CUX2: variants seen among roughly 807,000 people sequenced by gnomAD.
CUX2 encodes the protein cut like homeobox 2, also known as homeobox protein cut-like 2.
Under a neutral mutation model 144.8 loss-of-function variants are expected in CUX2, and 40 were observed. The observed-to-expected ratio is 0.28, with a 90% CI of 0.21 to 0.36. The LOEUF (loss-of-function observed/expected upper bound fraction) is 0.36. Among genes scored for constraint, CUX2 ranks in the 10% least tolerant of loss-of-function variants. The pLI, the probability that CUX2 is intolerant of heterozygous loss-of-function variation, is 1.00. For synonymous variants in CUX2, 827 were observed against 875.6 expected (o/e 0.94, Z 0.98); for missense variants, 1,615 against 1,994.0 (o/e 0.81, Z 3.62).
At chr12:111,046,633 A>G (rs1299827308) in intron 1 of CUX2, among the ~76,000 whole-genome samples, 1 of 152,062 alleles carries the variant, frequency 6.6e-6, no homozygotes, top group Non-Finnish European at 1.5e-5. Flanking sequence ...TCACTATGTC[A>G]GTATTTTTCT....
intron 3 of CUX2, among the ~76,000 whole-genome samples, chr12:111,237,080 C>T (rs898749959): frequency 2.0e-5 from 3 of 152,124 alleles, no homozygotes; most frequent in Non-Finnish European, 4.4e-5. Flanking sequence ...GCCTGGGAGG[C>T]CAAGTTTGCG....
At chr12:111,101,065 A>G (rs2136068449) in intron 1 of CUX2, among the ~76,000 whole-genome samples, 2 of 152,298 alleles carry the variant, frequency 1.3e-5, no homozygotes, top group African/African-American at 4.8e-5. Context: ...AGCTTGGGCG[A>G]TAAAAACAAT....
At chr12:111,267,532 T>C (rs1303908548) in intron 4 of CUX2, among the ~76,000 whole-genome samples, 1 of 152,146 alleles carries the variant, frequency 6.6e-6, no homozygotes, top group Non-Finnish European at 1.5e-5. Context: ...CTCTGCTCCG[T>C]GTGACAAGCT....
At chr12:111,191,306 A>ATTAT (rs200077725) in intron 1 of CUX2, among the ~76,000 whole-genome samples, 2,871 of 146,826 alleles carry the variant, frequency 0.02, 40 homozygotes, top group Non-Finnish European at 0.025. Flanking sequence ...TTATTCTTTT[A>ATTAT]TTATTTATTT....
chr12:111,299,885 T>TG (rs1886201158), intron 9 of CUX2, among the ~76,000 whole-genome samples: 2 of 151,970 alleles, frequency 1.3e-5, no homozygotes, highest in South Asian at 2.1e-4. Flanking sequence ...TATCTTTTTG[T>TG]GGGGGGCAAG....
intron 2 of CUX2, among the ~76,000 whole-genome samples, chr12:111,215,135 C>T (rs76438668): frequency 0.025 from 3,757 of 152,210 alleles, 135 homozygotes; most frequent in African/African-American, 0.083. Flanking sequence ...TCATTCTGGT[C>T]GGCAGAAGGT....
At chr12:111,341,279 G>C (rs759835558) in intron 20 of CUX2, among the ~76,000 whole-genome samples, 1 of 152,218 alleles carries the variant, frequency 6.6e-6, no homozygotes, top group South Asian at 2.1e-4. Context: ...GGGTGACAGA[G>C]AGAGACCCCA....
intron 4 of CUX2, among the ~76,000 whole-genome samples, chr12:111,280,169 A>G (rs752579000): frequency 2.0e-5 from 3 of 149,374 alleles, no homozygotes; most frequent in Non-Finnish European, 4.5e-5. Flanking sequence ...TACGCCTGTA[A>G]TCTCAGCTAC....
At position 111,072,723 on chromosome 12, in the gene CUX2, C is replaced by A. The variant is rs192727094; in HGVS notation, c.63+38483C>A. ...TTACTGGCTGACTGTGGCCCTTGGG[C>A]CTGCTTGTTTACAGTCTCTGGTTCT... On this transcript the variant is annotated intron_variant, in intron 1 of 21. Transcript: ENST00000261726. Among the ~76,000 whole-genome samples, 18 of 152,294 alleles carry A rather than the reference C, an allele frequency of 1.2e-4. No individual in the cohort carries two copies. In the East Asian group the frequency reaches 2.1e-3, roughly 18 times the overall value.
intron 1 of CUX2, among the ~76,000 whole-genome samples, chr12:111,112,584 G>T (rs1874041749): frequency 6.6e-6 from 1 of 152,074 alleles, no homozygotes; most frequent in Non-Finnish European, 1.5e-5. Flanking sequence ...GGGAACTTTT[G>T]GACAAGCTGT....
chr12:111,182,230 C>T (rs558110050), intron 1 of CUX2, among the ~76,000 whole-genome samples: 1 of 152,250 alleles, frequency 6.6e-6, no homozygotes, highest in East Asian at 1.9e-4. Context: ...CCTAGGGCCC[C>T]GGGGAGGTTA....
rs562318490 is a variant in CUX2, at chr12:111,312,537, C to T, written c.2002+336C>T. 7.4e-6 allele frequency among the ~76,000 whole-genome samples: 1 copy of T among 134,544 alleles called. No individual in the cohort carries two copies. The highest frequency in any genetic ancestry group is 1.5e-5 in the Non-Finnish European group (1 of 66,542). 88.3% of individuals were successfully genotyped at this position (134,544 alleles called of 152,430 possible). On this transcript the variant is annotated intron_variant, in intron 16 of 21. Coordinates refer to ENST00000261726, the MANE Select transcript of CUX2 (RefSeq NM_015267.4). The surrounding 1 kb of genome is among the most constrained non-coding windows in gnomAD (Gnocchi z 4.3). ...CCAACATGGTAAAACCCCATCTCTACTAAAAATACAAAATTACCTGGGCAT... is the reference window on the plus strand; with the variant it reads ...CCAACATGGTAAAACCCCATCTCTATTAAAAATACAAAATTACCTGGGCAT...
At chr12:111,056,178 G>T (rs577625452) in intron 1 of CUX2, among the ~76,000 whole-genome samples, 23 of 152,352 alleles carry the variant, frequency 1.5e-4, no homozygotes, top group African/African-American at 5.5e-4. Context: ...TGTCAGGGAA[G>T]GAGGATGCTA....
rs1480765916 is a variant in CUX2 at position 111,255,377 on chromosome 12, T to C, written c.223-8384T>C. Among the ~76,000 whole-genome samples, 1 of 152,250 alleles carries C rather than the reference T, an allele frequency of 6.6e-6. No homozygotes were observed. Among genetic ancestry groups the C allele is most frequent in the East Asian group, 1.9e-4 (1 of 5,200 alleles). On this transcript the variant is annotated intron_variant, in intron 3 of 21. Transcript: ENST00000261726. The surrounding 1 kb of genome is among the most constrained non-coding windows in gnomAD (Gnocchi z 4.1). ...TTCATTTGCTCAGCGGCATCACTGA[T>C]GGATGGCAGAGAGCACGTTAGCACT... is the stretch of plus-strand genomic sequence containing the variant.
chr12:111,187,566 G>T (rs776842041), intron 1 of CUX2, among the ~76,000 whole-genome samples: 1 of 152,212 alleles, frequency 6.6e-6, no homozygotes, highest in Non-Finnish European at 1.5e-5. Flanking sequence ...TTGGAGACCT[G>T]GCTGGGGATT....
chr12:111,040,041 C>T (rs961599972), intron 1 of CUX2, among the ~76,000 whole-genome samples: 1 of 152,108 alleles, frequency 6.6e-6, no homozygotes, highest in African/African-American at 2.4e-5. Context: ...AATCCCAGCA[C>T]TTTGGCAGGC....
intron 1 of CUX2, among the ~76,000 whole-genome samples, chr12:111,044,775 C>T (rs1281521953): frequency 6.6e-6 from 1 of 152,176 alleles, no homozygotes; most frequent in Non-Finnish European, 1.5e-5. Flanking sequence ...TGCCCCTCGA[C>T]TTCACCTTGA....
rs11833063 is a variant in CUX2, at chr12:111,039,575, C to A, written c.63+5335C>A. 0.035 allele frequency among the ~76,000 whole-genome samples: 5,273 copies of A among 152,186 alleles called. 320 individuals carry two copies. Among genetic ancestry groups the A allele is most frequent in the African/African-American group, 0.12 (5,016 of 41,480 alleles). On this transcript the variant is annotated intron_variant, in intron 1 of 21. Transcript: ENST00000261726. This position sits in a 1 kb window ranked among gnomAD's most constrained non-coding sequence, Gnocchi z 4.2. ...CTTTTTTGTTTTTTCAAGATGGAGT[C>A]TCGCTCTGCCACCCAGGCTGGAGTG... is the stretch of plus-strand genomic sequence containing the variant.
rs1274986337 is a variant in CUX2 at position 111,171,411 on chromosome 12, A to G, written c.64-42789A>G. Among the ~76,000 whole-genome samples the G allele has an allele frequency of 1.3e-5, 2 of 152,182 alleles. No individual in the cohort carries two copies. The highest frequency in any genetic ancestry group is 2.4e-5 in the African/African-American group (1 of 41,450). Reference sequence around the variant, plus strand: ...GGCTTTTCTGAGACCGGCCAGAAGGACAGACGAGAGGGGTTTCTTATGCAC... The same window carrying G: ...GGCTTTTCTGAGACCGGCCAGAAGGGCAGACGAGAGGGGTTTCTTATGCAC... On this transcript the variant is annotated intron_variant, in intron 1 of 21. Transcript: ENST00000261726. This position sits in a 1 kb window ranked among gnomAD's most constrained non-coding sequence, Gnocchi z 5.0.
Sources: gnomAD v4.1 joint callset for allele counts (sites outside exome capture counted in the v4.1 genomes callset) on GRCh38, gnomAD v4.1.1 for gene constraint, Gnocchi (gnomAD v3.1) non-coding constraint, MANE v1.5 for transcripts, NCBI Gene and HGNC (gene_info 2026-07-23, HGNC 2026-07-21) for gene names.